Variants in CNTN5 observed in about 807,000 individuals in gnomAD.
The protein encoded by CNTN5 is contactin-5.
Under a neutral mutation model 129.1 loss-of-function variants are expected in CNTN5, and 77 were observed. That is an observed-to-expected ratio of 0.60 (90% CI 0.50 to 0.72). CNTN5 has a LOEUF of 0.72. Among genes scored for constraint, CNTN5 ranks in the 30% least tolerant of loss-of-function variants. The probability of loss-of-function intolerance (pLI) is 0.00; values close to 1 mark genes in which losing one functional copy is unlikely to be tolerated. For synonymous variants in CNTN5, 509 were observed against 465.6 expected, an observed-to-expected ratio of 1.09 and a Z score of -1.20; for missense variants, 1,478 against 1,328.8, an observed-to-expected ratio of 1.11 and a Z score of -1.75.
At chr11:100,118,313 G>T (rs1945905795) in intron 13 of CNTN5, among the ~76,000 whole-genome samples, 2 of 151,762 alleles carry the variant, frequency 1.3e-5, no homozygotes, top group African/African-American at 2.4e-5. Context: ...AATGAAATTT[G>T]CTAACCTCTA....
At position 99,872,814 on chromosome 11, in the gene CNTN5, A is replaced by G. The variant is rs1382873110; in HGVS notation, c.577+27552A>G. Among the ~76,000 whole-genome samples, 3 of 152,124 alleles carry G rather than the reference A, an allele frequency of 2.0e-5. No homozygotes were observed. In the East Asian group the frequency reaches 5.8e-4, roughly 29 times the overall value. On this transcript the variant is annotated intron_variant, in intron 6 of 24. Transcript: ENST00000524871. Reference sequence around the variant, plus strand: ...ATATCTTTACTTTTATGTCTGACATACTGTCCTTAATAGCAATCTTAACAC... The same window carrying G: ...ATATCTTTACTTTTATGTCTGACATGCTGTCCTTAATAGCAATCTTAACAC...
intron 9 of CNTN5, among the ~76,000 whole-genome samples, chr11:100,042,756 C>T (rs542192838): frequency 5.9e-5 from 9 of 152,294 alleles, no homozygotes; most frequent in African/African-American, 2.2e-4. Context: ...AAGCTTGTGT[C>T]AGAATTTCAG....
intron 2 of CNTN5, among the ~76,000 whole-genome samples, chr11:99,480,872 C>G (rs894974990): frequency 6.6e-6 from 1 of 152,094 alleles, no homozygotes; most frequent in Non-Finnish European, 1.5e-5. Context: ...CTACTAAGTT[C>G]TAAAAGAATG....
chr11:99,174,153 C>G (rs1461425870), intron 1 of CNTN5, among the ~76,000 whole-genome samples: 1 of 152,076 alleles, frequency 6.6e-6, no homozygotes, highest in East Asian at 1.9e-4. Flanking sequence ...TGCCTGCCAC[C>G]ACGCCTGACT....
At chr11:100,335,385 G>T (rs577896557) in intron 21 of CNTN5, among the ~76,000 whole-genome samples, 4 of 152,206 alleles carry the variant, frequency 2.6e-5, no homozygotes, top group Admixed American at 6.5e-5. Context: ...TCATAGAATC[G>T]TCACACCAGA....
chr11:99,090,229 G>A lies in CNTN5; in HGVS notation c.-210+68959G>A, dbSNP rs1866183056. The stretch of plus-strand genomic sequence containing the variant: ...TTCATTGACATCAAGAACCACTTAT[G>A]TTTTTTAATGCGAATTTTTTTCTTT... On this transcript the variant is annotated intron_variant, in intron 1 of 24. Coordinates refer to ENST00000524871, the MANE Select transcript of CNTN5 (RefSeq NM_014361.4). Among the ~76,000 whole-genome samples the A allele has an allele frequency of 2.0e-5, 3 of 151,942 alleles. No individual in the cohort carries two copies. In the South Asian group the frequency reaches 6.2e-4, roughly 32 times the overall value.
At chr11:99,575,543 T>C (rs1311708561) in intron 3 of CNTN5, among the ~76,000 whole-genome samples, 1 of 152,146 alleles carries the variant, frequency 6.6e-6, no homozygotes, top group Non-Finnish European at 1.5e-5. Flanking sequence ...TTCCTGTGGA[T>C]TTTGAGGGTC....
intron 3 of CNTN5, among the ~76,000 whole-genome samples, chr11:99,583,991 GTTTA>G (rs1949707747): frequency 6.6e-6 from 1 of 152,006 alleles, no homozygotes; most frequent in Non-Finnish European, 1.5e-5. Context: ...TTTTCATTGT[GTTTA>G]TTTATTATTG....
chr11:99,955,797 C>A (rs1950787335), intron 7 of CNTN5, among the ~76,000 whole-genome samples: 1 of 152,104 alleles, frequency 6.6e-6, no homozygotes, highest in African/African-American at 2.4e-5. Context: ...ATCTCCTAAC[C>A]TCATGATCCG....
chr11:99,244,261 G>A lies in CNTN5; in HGVS notation c.-209-81085G>A, dbSNP rs148090558. On this transcript the variant is annotated intron_variant, in intron 1 of 24. Coordinates refer to ENST00000524871, the MANE Select transcript of CNTN5 (RefSeq NM_014361.4). ...TCTCAATTTGCCTCTAAGCTTGAGT[G>A]TCATTGATGTATAGAAATGCTGCTG... Among the ~76,000 whole-genome samples the A allele has an allele frequency of 2.4e-3, 372 of 152,232 alleles. 2 individuals carry two copies. The highest frequency in any genetic ancestry group is 3.7e-3 in the Admixed American group (56 of 15,286).
chr11:99,151,984 T>C (rs4754588), intron 1 of CNTN5, among the ~76,000 whole-genome samples: 143,610 of 152,162 alleles, frequency 0.94, 67,884 homozygotes, highest in East Asian at 1. Context: ...CAAACCTGCA[T>C]GTTCTGTACT....
intron 3 of CNTN5, among the ~76,000 whole-genome samples, chr11:99,765,865 G>T (rs539007283): frequency 6.6e-6 from 1 of 151,846 alleles, no homozygotes; most frequent in East Asian, 1.9e-4. Context: ...CTGTATTCTG[G>T]TGACATTAAA....
At chr11:99,572,455 A>G (rs1949205830) in intron 3 of CNTN5, among the ~76,000 whole-genome samples, 1 of 152,210 alleles carries the variant, frequency 6.6e-6, no homozygotes, top group Non-Finnish European at 1.5e-5. Flanking sequence ...AAAGGGTAGA[A>G]TTAGTTTGCC....
intron 13 of CNTN5, among the ~76,000 whole-genome samples, chr11:100,103,542 T>G (rs111447029): frequency 2.6e-3 from 391 of 152,290 alleles, no homozygotes; most frequent in African/African-American, 7.8e-3. Flanking sequence ...AAGTTTGATG[T>G]AGCTATTTCC....
intron 1 of CNTN5, among the ~76,000 whole-genome samples, chr11:99,192,910 A>G (rs1858717562): frequency 6.6e-6 from 1 of 152,078 alleles, no homozygotes; most frequent in Non-Finnish European, 1.5e-5. Flanking sequence ...AACATAAATG[A>G]CCATCTCCAT....
intron 1 of CNTN5, among the ~76,000 whole-genome samples, chr11:99,207,910 G>A (rs915892229): frequency 1.4e-4 from 21 of 152,110 alleles, no homozygotes; most frequent in African/African-American, 3.9e-4. Context: ...AATTTAGCTC[G>A]GCTTTGAGTT....
At chr11:99,060,760 G>T (rs2135209807) in intron 1 of CNTN5, among the ~76,000 whole-genome samples, 1 of 152,138 alleles carries the variant, frequency 6.6e-6, no homozygotes, top group Middle Eastern at 3.4e-3. Flanking sequence ...TTAGTCTTCT[G>T]TCCCCACATT....
chr11:99,933,764 T>C (rs887225611), intron 7 of CNTN5, among the ~76,000 whole-genome samples: 4 of 152,242 alleles, frequency 2.6e-5, no homozygotes, highest in Admixed American at 6.5e-5. Flanking sequence ...ACCACAGTTA[T>C]GTCTGCACCA....
chr11:99,691,680 G>A (rs1170509846), intron 3 of CNTN5, among the ~76,000 whole-genome samples: 2 of 152,046 alleles, frequency 1.3e-5, no homozygotes, highest in Non-Finnish European at 2.9e-5. Flanking sequence ...TATGTGAACA[G>A]TTTTTTTAGT....
Sources: gnomAD v4.1 joint callset for allele counts (sites outside exome capture counted in the v4.1 genomes callset) on GRCh38, gnomAD v4.1.1 for gene constraint, MANE v1.5 for transcripts, NCBI Gene and HGNC (gene_info 2026-07-23, HGNC 2026-07-21) for gene names.